SLC24A5: variants seen among roughly 807,000 people sequenced by gnomAD.
The protein encoded by SLC24A5 is solute carrier family 24 member 5.
Under a neutral mutation model 51.6 loss-of-function variants are expected in SLC24A5, and 46 were observed. The observed-to-expected ratio is 0.89, with a 90% confidence interval of 0.70 to 1.14. SLC24A5 has a LOEUF of 1.14. SLC24A5 is among the 50% of genes most tolerant of loss of function. The pLI is 0.00. For missense variants in SLC24A5, 581 were observed against 604.1 expected, an observed-to-expected ratio of 0.96 and a Z score of 0.40; for synonymous variants, 230 against 214.9, an observed-to-expected ratio of 1.07 and a Z score of -0.62.
chr15:48,137,400 G>T (rs4143849), intron 6 of SLC24A5: 7,282 of 153,654 alleles, frequency 0.047, 425 homozygotes, highest in African/African-American at 0.13. Context: ...ATGTGCATAG[G>T]AAGGAAGGAG....
In SLC24A5 at chr15:48,134,501, T is replaced by A. The variant is rs2038848186; in HGVS notation, c.452T>A (p.Leu151His). Residue 151 changes from leucine (L) to histidine (H), a missense_variant, in exon 4 of 9, where the codon CTT (leucine) becomes CAT (histidine). Leu to His is a moderately conservative substitution (Grantham distance 99, BLOSUM62 -3). Coordinates refer to ENST00000341459, the MANE Select transcript of SLC24A5 (RefSeq NM_205850.3). ...CTTGGATCTGCAATTTATAATCTCC[T>A]TGGCATCTGTGCTGCCTGTGGTTTG... ...TILGSAIYNLLGICAACGLLS... is the reference protein window; with the variant it reads ...TILGSAIYNLHGICAACGLLS... 6.2e-7 allele frequency: 1 copy of A among 1,613,556 alleles called. No homozygotes were observed. Among genetic ancestry groups the A allele is most frequent in the African/African-American group, 1.3e-5 (1 of 75,018 alleles).
chr15:48,132,828 C>G (rs1030796650), intron 2 of SLC24A5, among the ~76,000 whole-genome samples: 4 of 152,068 alleles, frequency 2.6e-5, no homozygotes, highest in African/African-American at 9.7e-5. Context: ...AACAAAGTAG[C>G]AGGACTTACC....
At position 48,134,407 on chromosome 15, in the gene SLC24A5, AACTT is replaced by A. The variant is rs1299351325; in HGVS notation, c.386-26_386-23del. On this transcript the variant is annotated intron_variant, in intron 3 of 8. Transcript: ENST00000341459. ...TTTTTATTTTCTTCAAGTTAACACT[AACTT>A]AGCTGGTACTATCTTGCACATAGGT... 7 of 1,608,156 alleles carry A rather than the reference AACTT, an allele frequency of 4.4e-6. No homozygotes were observed. In the East Asian group the frequency reaches 1.6e-4, roughly 36 times the overall value.
At chr15:48,127,024 A>T (rs886507520) in intron 2 of SLC24A5, among the ~76,000 whole-genome samples, 1 of 152,178 alleles carries the variant, frequency 6.6e-6, no homozygotes, top group African/African-American at 2.4e-5. Flanking sequence ...TTATAGAGAG[A>T]CAATTGAAAG....
intron 2 of SLC24A5, among the ~76,000 whole-genome samples, chr15:48,127,113 C>T (rs985830451): frequency 1.3e-5 from 2 of 152,136 alleles, no homozygotes; most frequent in Non-Finnish European, 2.9e-5. Context: ...GGGCAAAGTT[C>T]CTAACTTCCC....
rs575303689 is a variant in SLC24A5, at chr15:48,136,874, A to G, written c.782A>G (p.Gln261Arg). 4.3e-6 allele frequency: 7 copies of G among 1,613,896 alleles called. No individual in the cohort carries two copies. The African/African-American group carries it at 9.3e-5, about 22-fold the overall frequency. ...GAAGGTCAACCATTCATTCGTCGGC[A>G]ATCAAGAACTGATAGTGGAATATTT... Reference protein sequence around the residue: ...EDEGQPFIRRQSRTDSGIFYE... With the variant: ...EDEGQPFIRRRSRTDSGIFYE... Residue 261 changes from glutamine to arginine, a missense_variant, in exon 6 of 9, where the codon CAA becomes CGA. Gln to Arg is a conservative substitution (Grantham distance 43, BLOSUM62 1). Transcript: ENST00000341459.
rs1248531928 is a variant in SLC24A5 at position 48,121,134 on chromosome 15, C to A, written c.90C>A (p.Thr30=). ...CTGCACATCTGCCTCTCTCAGGGAC[C>A]TCCCTGCCCCAACGTCTCCCAAGGG... is the stretch of plus-strand genomic sequence containing the variant. ...WATAHLPLSG[T]SLPQRLPRAT... Residue 30 remains threonine (T), a synonymous_variant, in exon 1 of 9, where the codon ACC becomes ACA. Coordinates refer to ENST00000341459, the MANE Select transcript of SLC24A5 (RefSeq NM_205850.3). 6.2e-7 allele frequency: 1 copy of A among 1,613,620 alleles called. No homozygotes were observed. The highest frequency in any genetic ancestry group is 8.5e-7 in the Non-Finnish European group (1 of 1,179,770).
intron 2 of SLC24A5, 58 bp from the exon 3 acceptor site, chr15:48,134,200 T>A (rs946244054): frequency 7.1e-7 from 1 of 1,406,506 alleles, no homozygotes; most frequent in East Asian, 2.3e-5. Context: ...TTGTGTTTAG[T>A]TGTAAAGACA....
chr15:48,121,682 AT>A (rs939425549), intron 1 of SLC24A5, among the ~76,000 whole-genome samples, 174 bp from the exon 2 acceptor site: 5 of 152,126 alleles, frequency 3.3e-5, no homozygotes, highest in African/African-American at 9.7e-5. Context: ...CCCCAAAAAA[AT>A]TTTTTGAAAA....
intron 2 of SLC24A5, chr15:48,123,165 A>G (rs2038697135): frequency 6.7e-6 from 1 of 149,828 alleles, no homozygotes; most frequent in Admixed American, 6.6e-5. Flanking sequence ...AAAATATATA[A>G]TATATATATA....
rs1393408470 is a variant in SLC24A5 at position 48,139,107 on chromosome 15, C to A, written c.1010C>A (p.Thr337Asn). 6.2e-7 allele frequency: 1 copy of A among 1,613,134 alleles called. No individual in the cohort carries two copies. Among genetic ancestry groups the A allele is most frequent in the Non-Finnish European group, 8.5e-7 (1 of 1,179,344 alleles). ...KKFWKNYFVITFFMSAIWISA... is the reference protein window; with the variant it reads ...KKFWKNYFVINFFMSAIWISA... ...TTTTGGAAAAACTACTTTGTGATAA[C>A]CTTTTTCATGTCTGCAATATGGATA... Residue 337 changes from threonine to asparagine, a missense_variant, in exon 7 of 9, where the codon ACC (threonine) becomes AAC (asparagine). Transcript: ENST00000341459.
intron 2 of SLC24A5, among the ~76,000 whole-genome samples, chr15:48,128,096 T>C (rs983622652): frequency 1.3e-5 from 2 of 152,036 alleles, no homozygotes; most frequent in Middle Eastern, 3.4e-3. Flanking sequence ...AAAGATGATA[T>C]AAAATGAAAA....
Position 48,142,211 on chromosome 15 carries a change from G to C in SLC24A5, c.1363G>C (p.Ala455Pro). The change falls in exon 9 of 9, where the codon GCA becomes CCA. Residue 455 changes from alanine (A) to proline (P), a missense_variant. Coordinates refer to ENST00000341459, the MANE Select transcript of SLC24A5 (RefSeq NM_205850.3). ...CATTTCAATTATTTTTCTTTTTTTA[G>C]CAGTTCACTTCAATGGCTGGAAACT... Reference protein sequence around the residue: ...LNISIIFLFLAVHFNGWKLDR... With the variant: ...LNISIIFLFLPVHFNGWKLDR... The C allele has an allele frequency of 6.2e-7, 1 of 1,613,612 alleles. No homozygotes were observed. The highest frequency in any genetic ancestry group is 8.5e-7 in the Non-Finnish European group (1 of 1,179,820).
At position 48,136,934 on chromosome 15, in the gene SLC24A5, G is replaced by C. The variant is rs1342136388; in HGVS notation, c.842G>C (p.Ser281Thr). Residue 281 changes from serine to threonine, a missense_variant, in exon 6 of 9, where the codon AGT (serine) becomes ACT (threonine). By Grantham distance (58) the Ser-to-Thr change is moderately conservative. Coordinates refer to ENST00000341459, the MANE Select transcript of SLC24A5 (RefSeq NM_205850.3). ...EDSGYSQLSI[S>T]LHGLSQVSED... ...TCTGGCTACTCTCAGCTCTCTATAA[G>C]TTTACATGGCCTTAGTCAGGTTTCT... is the stretch of plus-strand genomic sequence containing the variant. 6 of 1,613,246 alleles carry C rather than the reference G, an allele frequency of 3.7e-6. No individual in the cohort carries two copies. The South Asian group carries it at 6.6e-5, about 18-fold the overall frequency.
chr15:48,136,613 C>A (rs2038906381), intron 5 of SLC24A5, 70 bp from the exon 6 acceptor site: 2 of 1,369,826 alleles, frequency 1.5e-6, no homozygotes, highest in Admixed American at 2.2e-5. Flanking sequence ...TCAATAGATA[C>A]TGCCCAAAAG....
At chr15:48,133,695 G>T (rs555276527) in intron 2 of SLC24A5, among the ~76,000 whole-genome samples, 23 of 152,138 alleles carry the variant, frequency 1.5e-4, no homozygotes, top group Non-Finnish European at 2.4e-4. Context: ...GCCAAATTCA[G>T]CTACATTCAA....
rs772412071 is a variant in SLC24A5, at chr15:48,136,911, T to C, written c.819T>C (p.Ser273=). The part of the protein sequence containing the change: ...RTDSGIFYED[S]GYSQLSISLH... ...ATAGTGGAATATTTTATGAAGATTC[T>C]GGCTACTCTCAGCTCTCTATAAGTT... The change falls in exon 6 of 9, where the codon TCT becomes TCC. Residue 273 remains serine (S), a synonymous_variant. Transcript: ENST00000341459. The C allele has an allele frequency of 3.1e-6, 5 of 1,613,732 alleles. No homozygotes were observed. The African/African-American group carries it at 6.7e-5, about 22-fold the overall frequency.
At chr15:48,133,291 G>A (rs1342685185) in intron 2 of SLC24A5, among the ~76,000 whole-genome samples, 3 of 152,284 alleles carry the variant, frequency 2.0e-5, no homozygotes, top group African/African-American at 7.2e-5. Flanking sequence ...TGTATGGCAT[G>A]CTACCTCTAT....
chr15:48,121,072 G>C lies in SLC24A5; in HGVS notation c.28G>C (p.Ala10Pro), dbSNP rs199764262. 209 of 1,613,946 alleles carry C rather than the reference G, an allele frequency of 1.3e-4. No individual in the cohort carries two copies. The African/African-American group carries it at 2.5e-3, about 20-fold the overall frequency. MQTKGGQTW[A>P]RRALLLGILW... is the part of the protein sequence containing the mutation. ...GCAGACAAAAGGGGGCCAAACATGG[G>C]CGAGAAGGGCTCTGTTGCTCGGCAT... is the stretch of plus-strand genomic sequence containing the variant. Residue 10 changes from alanine to proline, a missense_variant, in exon 1 of 9, where the codon GCG becomes CCG. Coordinates refer to ENST00000341459, the MANE Select transcript of SLC24A5 (RefSeq NM_205850.3).
Sources: gnomAD v4.1 joint callset for allele counts (sites outside exome capture counted in the v4.1 genomes callset) on GRCh38, gnomAD v4.1.1 for gene constraint, MANE v1.5 for transcripts, NCBI Gene and HGNC (gene_info 2026-07-23, HGNC 2026-07-21) for gene names.